The following VPS35L variants were observed in gnomAD, a reference collection of about 807,000 sequenced individuals.
The protein encoded by VPS35L is VPS35 endosomal protein sorting factor like.
VPS35L carries 83 observed loss-of-function variants against 133.0 expected under a neutral mutation model. The observed-to-expected ratio is 0.62, with a 90% CI of 0.52 to 0.75. The LOEUF is 0.75. Ranked by LOEUF, VPS35L falls within the 30% of genes least tolerant of loss-of-function variation. The pLI is 0.00. For synonymous variants in VPS35L, 423 were observed against 449.9 expected (o/e 0.94, Z 0.76); for missense variants, 1,083 against 1,206.8 (o/e 0.90, Z 1.52).
At chr16:19,627,320 C>T (rs772886181) in intron 15 of VPS35L, among the ~76,000 whole-genome samples, 8 of 151,658 alleles carry the variant, frequency 5.3e-5, no homozygotes, top group African/African-American at 1.9e-4. Flanking sequence ...CTTGCATAAA[C>T]GATGTGGATA....
intron 11 of VPS35L, among the ~76,000 whole-genome samples, 172 bp from the exon 12 acceptor site, chr16:19,610,148 AAG>A (rs1414591712): frequency 6.6e-6 from 1 of 152,226 alleles, no homozygotes; most frequent in Non-Finnish European, 1.5e-5. Context: ...TCAGAAGAGA[AAG>A]ACTGTTGTTA....
chr16:19,674,572 G>A (rs1974996452), intron 27 of VPS35L, among the ~76,000 whole-genome samples: 1 of 148,068 alleles, frequency 6.8e-6, no homozygotes, highest in Non-Finnish European at 1.5e-5. Context: ...ATTGTATTGG[G>A]GCGAGAACAC....
intron 23 of VPS35L, among the ~76,000 whole-genome samples, chr16:19,646,312 G>C (rs575813083): frequency 1.5e-3 from 230 of 152,184 alleles, no homozygotes; most frequent in African/African-American, 5.4e-3. Flanking sequence ...TCTCTTACTT[G>C]GTGCTGCCTT....
chr16:19,599,710 C>A lies in VPS35L; in HGVS notation c.725-1954C>A, dbSNP rs1016166614. On this transcript the variant is annotated intron_variant, in intron 8 of 30. Transcript: ENST00000417362. ...TAGCTCTAAGGTGGGCACCAGGAAT[C>A]TGCATTTTCAACAAGTGCCTTCAGG... Among the ~76,000 whole-genome samples, 5 of 152,146 alleles carry A rather than the reference C, an allele frequency of 3.3e-5. No individual in the cohort carries two copies. In the East Asian group the frequency reaches 9.7e-4, roughly 29 times the overall value.
chr16:19,608,816 T>C, intron 10 of VPS35L, 158 bp from the exon 11 acceptor site: 1 of 594,276 alleles, frequency 1.7e-6, no homozygotes, highest in Admixed American at 3.0e-5. Flanking sequence ...AAACCATATG[T>C]AGAAACCATA....
intron 22 of VPS35L, among the ~76,000 whole-genome samples, chr16:19,643,076 A>C (rs961602069): frequency 6.6e-6 from 1 of 152,210 alleles, no homozygotes; most frequent in Non-Finnish European, 1.5e-5. Flanking sequence ...AATGGAGAAA[A>C]TTGTTTTGGA....
At chr16:19,555,777 G>T in intron 1 of VPS35L, 31 bp downstream of exon 1, 1 of 1,561,008 alleles carries the variant, frequency 6.4e-7, no homozygotes. Flanking sequence ...GGGCTTTGGA[G>T]AGGGGCTGTC....
chr16:19,579,931 G>C (rs1431751915), intron 6 of VPS35L: 1 of 151,810 alleles, frequency 6.6e-6, no homozygotes, highest in South Asian at 2.1e-4. Flanking sequence ...CAGGCGCGGT[G>C]GCTCATGCCT....
intron 5 of VPS35L, among the ~76,000 whole-genome samples, chr16:19,575,597 T>A (rs1195320539): frequency 2.2e-5 from 3 of 137,688 alleles, no homozygotes; most frequent in Non-Finnish European, 4.6e-5. Flanking sequence ...GCACGGTGGC[T>A]CACCTGTGTA....
chr16:19,647,114 C>A (rs529653540), intron 23 of VPS35L, among the ~76,000 whole-genome samples: 1 of 152,322 alleles, frequency 6.6e-6, no homozygotes, highest in East Asian at 1.9e-4. Flanking sequence ...ATTAGCCTTT[C>A]AATTCCCGTG....
At chr16:19,652,195 G>T in intron 26 of VPS35L, 105 bp downstream of exon 26, 1 of 845,964 alleles carries the variant, frequency 1.2e-6, no homozygotes. Flanking sequence ...TCTTTTTTTA[G>T]AGACAGAGTC....
intron 30 of VPS35L, among the ~76,000 whole-genome samples, chr16:19,700,035 T>C (rs1976060760): frequency 6.6e-6 from 1 of 152,174 alleles, no homozygotes; most frequent in Admixed American, 6.5e-5. Context: ...AGTTCGAGGC[T>C]GCAGTGAGCT....
Position 19,613,927 on chromosome 16 carries a change from T to G in VPS35L, c.1024-2187T>G, listed in dbSNP as rs182400780. Among the ~76,000 whole-genome samples the G allele has an allele frequency of 1.6e-4, 25 of 152,314 alleles. No homozygotes were observed. In the East Asian group the frequency reaches 4.6e-3, roughly 28 times the overall value. On this transcript the variant is annotated intron_variant, in intron 12 of 30. Coordinates refer to ENST00000417362, the MANE Select transcript of VPS35L (RefSeq NM_020314.7). ...CAGATGGGAATCATGAGCAATACCC[T>G]TGCTGCTCTGGGTAGAAATCTTTTA... is the stretch of plus-strand genomic sequence containing the variant.
chr16:19,640,815 G>A lies in VPS35L; in HGVS notation c.1784+715G>A, dbSNP rs770544450. Among the ~76,000 whole-genome samples the A allele has an allele frequency of 3.3e-5, 5 of 152,104 alleles. No homozygotes were observed. In the East Asian group the frequency reaches 7.7e-4, roughly 23 times the overall value. On this transcript the variant is annotated intron_variant, in intron 21 of 30. Coordinates refer to ENST00000417362, the MANE Select transcript of VPS35L (RefSeq NM_020314.7). ...GCCTGGAGTGCAGTGGCACAATTACGGTTCACTGCAGCTTTGACCTTCTCA... is the reference window on the plus strand; with the variant it reads ...GCCTGGAGTGCAGTGGCACAATTACAGTTCACTGCAGCTTTGACCTTCTCA...
chr16:19,579,023 C>T (rs780843420), intron 5 of VPS35L, 29 bp from the exon 6 acceptor site: 9 of 1,610,030 alleles, frequency 5.6e-6, no homozygotes, highest in Non-Finnish European at 7.6e-6. Context: ...AGAAAAGCCA[C>T]CTGTGTGACG....
intron 7 of VPS35L, among the ~76,000 whole-genome samples, chr16:19,589,184 C>T (rs1470550285): frequency 6.6e-6 from 1 of 152,150 alleles, no homozygotes; most frequent in African/African-American, 2.4e-5. Context: ...TAATGGTCTA[C>T]TTCTTTCCTT....
At chr16:19,643,479 C>T (rs11859064) in intron 22 of VPS35L, among the ~76,000 whole-genome samples, 52,966 of 151,992 alleles carry the variant, frequency 0.35, 9,432 homozygotes, top group East Asian at 0.37. Flanking sequence ...TCCTTATCTT[C>T]TTCCTGGAAG....
intron 26 of VPS35L, among the ~76,000 whole-genome samples, chr16:19,668,153 C>T (rs559681685): frequency 6.6e-5 from 10 of 152,228 alleles, no homozygotes; most frequent in African/African-American, 1.9e-4. Context: ...GTGTGCTGGC[C>T]GGTGTTCCTG....
rs927094136 is a variant in VPS35L, at chr16:19,669,635, A to G, written c.2361+336A>G. On this transcript the variant is annotated intron_variant, in intron 27 of 30. Coordinates refer to ENST00000417362, the MANE Select transcript of VPS35L (RefSeq NM_020314.7). Reference sequence around the variant, plus strand: ...TGAGTTCTAGTGAGGACCCACTTCCAGGTTGCAGACAACCATCTTCTCTCT... The same window carrying G: ...TGAGTTCTAGTGAGGACCCACTTCCGGGTTGCAGACAACCATCTTCTCTCT... Among the ~76,000 whole-genome samples, 3 of 150,204 alleles carry G rather than the reference A, an allele frequency of 2.0e-5. No homozygotes were observed. In the East Asian group the frequency reaches 5.8e-4, roughly 29 times the overall value.
Sources: allele counts gnomAD v4.1 joint callset (sites outside exome capture counted in the v4.1 genomes callset), GRCh38; gene constraint gnomAD v4.1.1; transcripts MANE v1.5; gene names NCBI Gene and HGNC (gene_info 2026-07-23, HGNC 2026-07-21).